BICD1: variants seen among roughly 807,000 people sequenced by gnomAD.
The protein encoded by BICD1 is BICD cargo adaptor 1.
BICD1 carries 35 observed loss-of-function variants against 92.5 expected under a neutral mutation model. That is an observed-to-expected ratio of 0.38 (90% CI 0.29 to 0.50). The LOEUF is 0.50. BICD1 is among the 20% of genes least tolerant of loss of function. The probability of loss-of-function intolerance (pLI) is 0.93; values close to 1 mark genes in which losing one functional copy is unlikely to be tolerated. For missense variants in BICD1, 950 were observed against 1,189.8 expected, an observed-to-expected ratio of 0.80 and a Z score of 2.97; for synonymous variants, 429 against 465.1, an observed-to-expected ratio of 0.92 and a Z score of 1.00.
At chr12:32,175,417 A>G (rs1478056175) in intron 1 of BICD1, among the ~76,000 whole-genome samples, 1 of 152,130 alleles carries the variant, frequency 6.6e-6, no homozygotes, top group East Asian at 1.9e-4. Context: ...CCTGGGTTCA[A>G]ACGATTTTCC....
chr12:32,154,692 C>T (rs1047479528), intron 1 of BICD1, among the ~76,000 whole-genome samples: 35 of 152,196 alleles, frequency 2.3e-4, no homozygotes, highest in African/African-American at 8.4e-4. Context: ...TCTCTTATCT[C>T]TACTGCTTAT....
In BICD1 at chr12:32,211,461, C is replaced by T. The variant is rs1197202556; in HGVS notation, c.214-4786C>T. Among the ~76,000 whole-genome samples the T allele has an allele frequency of 2.0e-5, 3 of 152,018 alleles. No individual in the cohort carries two copies. The East Asian group carries it at 5.8e-4, about 29-fold the overall frequency. ...GGTCTACATCTGAAATGTTTATCTC[C>T]TTTGGTGCTAGATCCAGAGTACAAT... On this transcript the variant is annotated intron_variant, in intron 1 of 9. Transcript: ENST00000652176.
chr12:32,173,876 T>G (rs1404028415), intron 1 of BICD1, among the ~76,000 whole-genome samples: 1 of 152,242 alleles, frequency 6.6e-6, no homozygotes, highest in Non-Finnish European at 1.5e-5. Context: ...TAGGAATTGC[T>G]TATTCCACAA....
At chr12:32,359,839 C>T (rs557681540) in intron 8 of BICD1, among the ~76,000 whole-genome samples, 4 of 152,130 alleles carry the variant, frequency 2.6e-5, no homozygotes, top group South Asian at 2.1e-4. Flanking sequence ...CATCAAGAGG[C>T]GTGTGTGTTC....
chr12:32,294,309 T>C (rs908132081), intron 3 of BICD1, among the ~76,000 whole-genome samples, 163 bp downstream of exon 3: 6 of 152,136 alleles, frequency 3.9e-5, no homozygotes, highest in African/African-American at 1.4e-4. Flanking sequence ...AGCTAAAATA[T>C]AGAAGGAAAA....
chr12:32,220,332 G>T (rs556889287), intron 2 of BICD1, among the ~76,000 whole-genome samples: 2 of 152,060 alleles, frequency 1.3e-5, no homozygotes, highest in African/African-American at 2.4e-5. Flanking sequence ...GAAAATTTTC[G>T]CAACCTACTC....
chr12:32,374,541 T>G (rs2136342247), intron 9 of BICD1, among the ~76,000 whole-genome samples: 1 of 150,656 alleles, frequency 6.6e-6, no homozygotes, highest in East Asian at 2.0e-4. Flanking sequence ...CATTATTTTC[T>G]GTTTTAAATA....
chr12:32,107,908 G>A lies in BICD1; in HGVS notation c.213+364G>A, dbSNP rs534924882. The A allele has an allele frequency of 9.6e-5, 55 of 572,022 alleles. 1 individual carries two copies. The highest frequency in any genetic ancestry group is 9.3e-4 in the African/African-American group (50 of 53,478). The allele number at this position is 572,022 out of a possible 1,614,324, so 35.4% of individuals were successfully genotyped here. A position where few individuals can be genotyped will look rare whatever the true frequency, so the allele number is the denominator to read the frequency against. On this transcript the variant is annotated intron_variant, in intron 1 of 9. Transcript: ENST00000652176. Reference sequence around the variant, plus strand: ...AAACCCAGGTTTCAGCGACAATTTCGTAGTCCACAAAAGTGATGAGGTTTG... The same window carrying A: ...AAACCCAGGTTTCAGCGACAATTTCATAGTCCACAAAAGTGATGAGGTTTG...
chr12:32,176,763 C>CTGT (rs1944101377), intron 1 of BICD1, among the ~76,000 whole-genome samples: 1 of 152,086 alleles, frequency 6.6e-6, no homozygotes, highest in Admixed American at 6.5e-5. Context: ...CTTTTTATTG[C>CTGT]TGAGAGCACT....
chr12:32,123,792 G>A (rs1215438945), intron 1 of BICD1, among the ~76,000 whole-genome samples: 3 of 151,892 alleles, frequency 2.0e-5, no homozygotes, highest in Admixed American at 6.6e-5. Context: ...CAGGAGAATA[G>A]CTTGAACCTG....
At chr12:32,204,566 A>G (rs1944995959) in intron 1 of BICD1, among the ~76,000 whole-genome samples, 1 of 152,154 alleles carries the variant, frequency 6.6e-6, no homozygotes, top group Non-Finnish European at 1.5e-5. Flanking sequence ...TAGTACAGCC[A>G]CTTTGGAGAA....
At chr12:32,159,507 G>C (rs1468587549) in intron 1 of BICD1, among the ~76,000 whole-genome samples, 1 of 152,168 alleles carries the variant, frequency 6.6e-6, no homozygotes, top group East Asian at 1.9e-4. Flanking sequence ...TGTAAGAACT[G>C]TGTCCTCTCA....
At position 32,305,958 on chromosome 12, in the gene BICD1, A is replaced by C. The variant is rs753733709; in HGVS notation, c.841A>C (p.Asn281His). ...TGCCGAGGATGGGAGTGAACCAAACAATGATGACAAAATGAACGGTCATAT... is the reference window on the plus strand; with the variant it reads ...TGCCGAGGATGGGAGTGAACCAAACCATGATGACAAAATGAACGGTCATAT... ...KFAEDGSEPNNDDKMNGHIHG... is the reference protein window; with the variant it reads ...KFAEDGSEPNHDDKMNGHIHG... The change falls in exon 4 of 10, where the codon AAT (asparagine) becomes CAT (histidine). Residue 281 changes from asparagine (N) to histidine (H), a missense_variant. By Grantham distance (68) the Asn-to-His change is moderately conservative. Coordinates refer to ENST00000652176, the MANE Select transcript of BICD1 (RefSeq NM_001714.4). 1 of 1,614,200 alleles carries C rather than the reference A, an allele frequency of 6.2e-7. No homozygotes were observed. Among genetic ancestry groups the C allele is most frequent in the Admixed American group, 1.7e-5 (1 of 60,020 alleles).
chr12:32,276,893 A>T (rs1480115491), intron 2 of BICD1, among the ~76,000 whole-genome samples: 1 of 152,246 alleles, frequency 6.6e-6, no homozygotes, highest in Non-Finnish European at 1.5e-5. Context: ...AGTAAGCAAT[A>T]GGTAAAAAAA....
rs1199691429 is a variant in BICD1, at chr12:32,382,650, T to C, written c.*5023T>C. On this transcript the variant is annotated 3_prime_UTR_variant, in exon 10 of 10. Transcript: ENST00000652176. ...TCCTGTGATTGGAGTTTAATTGCTGTAGAACACTTGTTGAGAACACATTTT... is the reference window on the plus strand; with the variant it reads ...TCCTGTGATTGGAGTTTAATTGCTGCAGAACACTTGTTGAGAACACATTTT... 1 of 152,096 alleles carries C rather than the reference T, an allele frequency of 6.6e-6. No homozygotes were observed. Among genetic ancestry groups the C allele is most frequent in the East Asian group, 1.9e-4 (1 of 5,198 alleles). 9.4% of individuals were successfully genotyped at this position (152,096 alleles called of 1,614,324 possible).
intron 2 of BICD1, among the ~76,000 whole-genome samples, chr12:32,240,143 A>G (rs917358531): frequency 6.6e-6 from 1 of 152,212 alleles, no homozygotes; most frequent in African/African-American, 2.4e-5. Flanking sequence ...TAATCTTGGA[A>G]AGACTACAAA....
chr12:32,355,662 C>T (rs571861188), intron 8 of BICD1, among the ~76,000 whole-genome samples: 4 of 152,026 alleles, frequency 2.6e-5, no homozygotes, highest in South Asian at 2.1e-4. Context: ...ATTAGCTGGG[C>T]GTGGTAGCAT....
chr12:32,278,805 G>A (rs1405316323), intron 2 of BICD1, among the ~76,000 whole-genome samples: 3 of 152,186 alleles, frequency 2.0e-5, no homozygotes, highest in Admixed American at 1.3e-4. Context: ...GCAGTGAGCC[G>A]AGATTGCGCC....
chr12:32,107,648 G>GT (rs759204054), intron 1 of BICD1, 104 bp downstream of exon 1: 3 of 1,262,552 alleles, frequency 2.4e-6, no homozygotes, highest in Non-Finnish European at 2.2e-6. Flanking sequence ...TGAAAGGACT[G>GT]TTTTTTCTTC....
Sources: gnomAD v4.1 joint callset for allele counts (sites outside exome capture counted in the v4.1 genomes callset) on GRCh38, gnomAD v4.1.1 for gene constraint, MANE v1.5 for transcripts, NCBI Gene and HGNC (gene_info 2026-07-23, HGNC 2026-07-21) for gene names.